SEC63: variants seen among roughly 807,000 people sequenced by gnomAD.
SEC63 encodes the protein translocation protein SEC63 homolog.
A neutral mutation model predicts 116.2 loss-of-function variants in SEC63; 56 were observed. The ratio of observed to expected loss-of-function variants is 0.48; its 90% CI spans 0.39 to 0.60. The LOEUF (loss-of-function observed/expected upper bound fraction) is 0.60. Ranked by LOEUF, SEC63 falls within the 20% of genes least tolerant of loss-of-function variation. SEC63 has a pLI of 0.00. For synonymous variants in SEC63, 273 were observed against 294.6 expected, an observed-to-expected ratio of 0.93 and a Z score of 0.75; for missense variants, 668 against 900.0, an observed-to-expected ratio of 0.74 and a Z score of 3.30.
At chr6:107,891,054 T>G (rs1786668946) in intron 16 of SEC63, among the ~76,000 whole-genome samples, 2 of 152,202 alleles carry the variant, frequency 1.3e-5, no homozygotes, top group Admixed American at 6.5e-5. Context: ...GTCTCAGGGT[T>G]GCTCTTCTCG....
intron 18 of SEC63, among the ~76,000 whole-genome samples, chr6:107,878,932 A>G (rs1197779288): frequency 4.0e-5 from 3 of 74,448 alleles, no homozygotes; most frequent in Non-Finnish European, 7.9e-5. Context: ...AGTGATGCAC[A>G]TGTTAAAAGT....
At chr6:107,896,705 G>A (rs1412160873) in intron 14 of SEC63, among the ~76,000 whole-genome samples, 1 of 152,094 alleles carries the variant, frequency 6.6e-6, no homozygotes, top group Admixed American at 6.6e-5. Context: ...CGGGCTGAGT[G>A]CGGTAGCTCA....
intron 19 of SEC63, among the ~76,000 whole-genome samples, chr6:107,876,268 A>G (rs1297130803): frequency 1.3e-5 from 2 of 152,182 alleles, no homozygotes; most frequent in East Asian, 3.8e-4. Flanking sequence ...AAATTCTATC[A>G]CTAAATTCTG....
chr6:107,921,082 A>G (rs1031961432), intron 4 of SEC63, among the ~76,000 whole-genome samples: 1 of 152,214 alleles, frequency 6.6e-6, no homozygotes, highest in Admixed American at 6.5e-5. Flanking sequence ...ACGAAATTCT[A>G]AAAAGAAAAA....
chr6:107,893,391 T>A (rs1237753890), intron 16 of SEC63, 91 bp downstream of exon 16: 14 of 1,303,976 alleles, frequency 1.1e-5, no homozygotes. Flanking sequence ...ATAAATTATG[T>A]AAAACTTTTG....
chr6:107,905,110 G>C, intron 10 of SEC63, among the ~76,000 whole-genome samples: 1 of 152,102 alleles, frequency 6.6e-6, no homozygotes, highest in African/African-American at 2.4e-5. Context: ...GAGAAGAAGA[G>C]GGCAACTTAC....
At chr6:107,889,671 T>C (rs1283921324) in intron 16 of SEC63, among the ~76,000 whole-genome samples, 1 of 152,176 alleles carries the variant, frequency 6.6e-6, no homozygotes, top group Non-Finnish European at 1.5e-5. Context: ...TTTTGTGATG[T>C]TAGGGTGTCG....
At chr6:107,926,702 C>G (rs1583762022) in intron 2 of SEC63, among the ~76,000 whole-genome samples, 2 of 152,156 alleles carry the variant, frequency 1.3e-5, no homozygotes, top group African/African-American at 4.8e-5. Flanking sequence ...ACAAACAAAG[C>G]TCACAAAACA....
Position 107,929,310 on chromosome 6 carries a change from T to C in SEC63, c.224+105A>G, listed in dbSNP as rs2818197. ...ATCTTACCCTTACTATAGATTACAA[T>C]TTCTTTACAGACACAATGACTTATT... On this transcript the variant is annotated intron_variant, in intron 2 of 20. Coordinates refer to ENST00000369002, the MANE Select transcript of SEC63 (RefSeq NM_007214.5). 9,638 of 675,958 alleles carry C rather than the reference T, an allele frequency of 0.014. 680 individuals carry two copies. In the African/African-American group the frequency reaches 0.15, roughly 11 times the overall value. The allele number at this position is 675,958 out of a possible 1,614,324, so 41.9% of individuals were successfully genotyped here.
At chr6:107,955,864 C>G (rs1304599356) in intron 1 of SEC63, 3 of 196,732 alleles carry the variant, frequency 1.5e-5, no homozygotes, top group South Asian at 1.7e-4. Flanking sequence ...TCCTGGGCAA[C>G]AGAGTGAGAC....
At chr6:107,922,355 A>T (rs1787578110) in intron 3 of SEC63, among the ~76,000 whole-genome samples, 1 of 152,110 alleles carries the variant, frequency 6.6e-6, no homozygotes, top group African/African-American at 2.4e-5. Flanking sequence ...AAAAATACAA[A>T]AATTAGCTCG....
At chr6:107,875,747 T>C (rs1182554151) in intron 19 of SEC63, among the ~76,000 whole-genome samples, 1 of 152,090 alleles carries the variant, frequency 6.6e-6, no homozygotes, top group East Asian at 1.9e-4. Flanking sequence ...AAGATGCTAT[T>C]TTTCACCTTT....
At chr6:107,955,748 T>A (rs924956002) in intron 1 of SEC63, among the ~76,000 whole-genome samples, 3 of 152,010 alleles carry the variant, frequency 2.0e-5, no homozygotes, top group Non-Finnish European at 2.9e-5. Context: ...AAGCCAAGCC[T>A]GGTGGTGCAC....
At chr6:107,897,264 ATT>A (rs1232102614) in intron 14 of SEC63, among the ~76,000 whole-genome samples, 1 of 152,166 alleles carries the variant, frequency 6.6e-6, no homozygotes, top group Non-Finnish European at 1.5e-5. Context: ...AAAAAATGTT[ATT>A]TTTATTGTAA....
chr6:107,910,623 G>A (rs777155252), intron 7 of SEC63, among the ~76,000 whole-genome samples: 4 of 151,764 alleles, frequency 2.6e-5, no homozygotes, highest in South Asian at 2.1e-4. Context: ...ATATATGCAC[G>A]TGTCATGCAT....
At chr6:107,951,768 G>A (rs1404239464) in intron 1 of SEC63, among the ~76,000 whole-genome samples, 1 of 151,876 alleles carries the variant, frequency 6.6e-6, no homozygotes, top group East Asian at 1.9e-4. Context: ...CGGATCATGA[G>A]GTCAGGAGAT....
intron 2 of SEC63, among the ~76,000 whole-genome samples, chr6:107,926,896 C>A (rs1189344296): frequency 6.6e-6 from 1 of 152,200 alleles, no homozygotes; most frequent in Admixed American, 6.5e-5. Context: ...AAAATTACCA[C>A]AACCAATAAA....
Position 107,931,604 on chromosome 6 carries a change from C to A in SEC63, c.125-2090G>T, listed in dbSNP as rs542207907. Among the ~76,000 whole-genome samples, 18 of 151,718 alleles carry A rather than the reference C, an allele frequency of 1.2e-4. No individual in the cohort carries two copies. The South Asian group carries it at 1.7e-3, about 14-fold the overall frequency. On this transcript the variant is annotated intron_variant, in intron 1 of 20. Coordinates refer to ENST00000369002, the MANE Select transcript of SEC63 (RefSeq NM_007214.5). ...CTCTACTAAAAAGACAAATAATTAGCCAGGCGTGGTGGCACGTGCCTGTAG... is the reference window on the plus strand; with the variant it reads ...CTCTACTAAAAAGACAAATAATTAGACAGGCGTGGTGGCACGTGCCTGTAG...
intron 14 of SEC63, among the ~76,000 whole-genome samples, chr6:107,896,600 G>A (rs1402363092): frequency 3.9e-5 from 6 of 152,226 alleles, no homozygotes; most frequent in African/African-American, 1.4e-4. Flanking sequence ...TGGTAAATAT[G>A]AGCATGGAGA....
Sources: allele counts gnomAD v4.1 joint callset (sites outside exome capture counted in the v4.1 genomes callset), GRCh38; gene constraint gnomAD v4.1.1; transcripts MANE v1.5; gene names NCBI Gene and HGNC (gene_info 2026-07-23, HGNC 2026-07-21).